The following NADSYN1 variants were observed in gnomAD, a reference collection of about 807,000 sequenced individuals.
NADSYN1 encodes the protein NAD synthetase 1.
A neutral mutation model predicts 99.3 loss-of-function variants in NADSYN1; 80 were observed. The ratio of observed to expected loss-of-function variants is 0.81; its 90% CI spans 0.67 to 0.97. The LOEUF is 0.97. Ranked by LOEUF, NADSYN1 falls within the 50% of genes least tolerant of loss-of-function variation. The pLI is 0.00. For missense variants in NADSYN1, 859 were observed against 948.5 expected (o/e 0.91, Z 1.24); for synonymous variants, 385 against 372.1 (o/e 1.03, Z -0.40).
chr11:71,473,424 G>A, intron 7 of NADSYN1, 58 bp downstream of exon 7: 1 of 1,582,352 alleles, frequency 6.3e-7, no homozygotes, highest in Non-Finnish European at 8.7e-7. Flanking sequence ...CAGCTGGGAG[G>A]ACCTGGGACT....
intron 5 of NADSYN1, among the ~76,000 whole-genome samples, chr11:71,466,968 G>A (rs373586328): frequency 5.2e-4 from 79 of 152,240 alleles, no homozygotes; most frequent in African/African-American, 1.8e-3. Context: ...TCATGGAACT[G>A]GAGGTGGGGG....
chr11:71,476,054 T>C (rs1378808703), intron 9 of NADSYN1: 1 of 456,286 alleles, frequency 2.2e-6, no homozygotes, highest in Admixed American at 2.3e-5. Flanking sequence ...AAATGGGCTA[T>C]TATTGCCACA....
chr11:71,458,645 T>C (rs1028544748), intron 3 of NADSYN1, 101 bp downstream of exon 3: 20 of 840,092 alleles, frequency 2.4e-5, no homozygotes, highest in Non-Finnish European at 4.1e-5. Context: ...GGAACATCCA[T>C]GTGTCCAGGG....
At position 71,453,224 on chromosome 11, in the gene NADSYN1, C is replaced by T; in HGVS notation, c.-73C>T. 2.1e-6 allele frequency: 3 copies of T among 1,398,550 alleles called. No homozygotes were observed. Among genetic ancestry groups the T allele is most frequent in the Non-Finnish European group, 3.0e-6 (3 of 1,004,988 alleles). The allele number at this position is 1,398,550 out of a possible 1,614,324, so 86.6% of individuals were successfully genotyped here. A position where few individuals can be genotyped will look rare whatever the true frequency, so the allele number is the denominator to read the frequency against. ...GGGCAACCCGGAAGGTCCGGCGTCC[C>T]AGCCGCCTACCTCGCTGGGACCCTG... On this transcript the variant is annotated 5_prime_UTR_variant, in exon 1 of 21. Coordinates refer to ENST00000319023, the MANE Select transcript of NADSYN1 (RefSeq NM_018161.5).
In NADSYN1 at chr11:71,480,801, T is replaced by C; in HGVS notation, c.920T>C (p.Leu307Pro). Reference sequence around the variant, plus strand: ...CCCAGAGTGAAGGTGGACTTTGCCCTCTCGTGCCACGAGGACTTGCTGGCA... The same window carrying C: ...CCCAGAGTGAAGGTGGACTTTGCCCCCTCGTGCCACGAGGACTTGCTGGCA... ...PYPRVKVDFA[L>P]SCHEDLLAPI... Residue 307 changes from leucine to proline, a missense_variant, in exon 11 of 21, where the codon CTC becomes CCC. Physicochemically the swap from Leu to Pro is moderately conservative, Grantham distance 98. Coordinates refer to ENST00000319023, the MANE Select transcript of NADSYN1 (RefSeq NM_018161.5). The C allele has an allele frequency of 1.9e-6, 3 of 1,614,156 alleles. No individual in the cohort carries two copies. The highest frequency in any genetic ancestry group is 2.5e-6 in the Non-Finnish European group (3 of 1,180,028).
At chr11:71,473,948 T>C (rs951831807) in intron 8 of NADSYN1, among the ~76,000 whole-genome samples, 2 of 152,224 alleles carry the variant, frequency 1.3e-5, no homozygotes, top group African/African-American at 4.8e-5. Flanking sequence ...TCCTTGTTCG[T>C]TGGCATCATG....
rs182015126 is a variant in NADSYN1 at position 71,472,511 on chromosome 11, G to A, written c.459+11G>A. The stretch of plus-strand genomic sequence containing the variant: ...GACCTGACAAAGCAGGTGAGTCCCT[G>A]GGTGTGGAGCCCGTTTTTCAGTCGG... On this transcript the variant is annotated intron_variant, in intron 6 of 20. Transcript: ENST00000319023. The A allele has an allele frequency of 1.2e-6, 2 of 1,611,888 alleles. No individual in the cohort carries two copies. The highest frequency in any genetic ancestry group is 2.7e-5 in the African/African-American group (2 of 75,012).
At chr11:71,482,162 A>G in intron 13 of NADSYN1, 137 bp downstream of exon 13, 1 of 732,268 alleles carries the variant, frequency 1.4e-6, no homozygotes, top group Non-Finnish European at 2.3e-6. Context: ...GCCACGCACA[A>G]ATGTCACAGC....
At chr11:71,475,062 G>C (rs984941991) in intron 9 of NADSYN1, 1 of 166,966 alleles carries the variant, frequency 6.0e-6, no homozygotes, top group Non-Finnish European at 1.3e-5. Flanking sequence ...TGGCCCCTGC[G>C]GGTGGGTGTC....
intron 9 of NADSYN1, chr11:71,476,127 C>T (rs1051103448): frequency 2.0e-5 from 9 of 456,162 alleles, no homozygotes; most frequent in Middle Eastern, 3.2e-4. Context: ...TGCCCCAAGC[C>T]GGCGTGGGTG....
chr11:71,472,296 G>T (rs1949631977), intron 5 of NADSYN1, among the ~76,000 whole-genome samples, 153 bp from the exon 6 acceptor site: 1 of 152,182 alleles, frequency 6.6e-6, no homozygotes, highest in Non-Finnish European at 1.5e-5. Context: ...TTACCTGAAT[G>T]CGATTGTTTA....
chr11:71,478,096 TACTG>T (rs1317170802), intron 9 of NADSYN1, among the ~76,000 whole-genome samples: 2 of 152,050 alleles, frequency 1.3e-5, no homozygotes, highest in African/African-American at 4.8e-5. Context: ...AGGGGTGTCT[TACTG>T]ACAGGGGTGT....
rs944948279 is a variant in NADSYN1, at chr11:71,473,828, G to A, written c.666+142G>A. The A allele has an allele frequency of 1.5e-5, 11 of 722,026 alleles. No homozygotes were observed. In the African/African-American group the frequency reaches 1.9e-4, roughly 13 times the overall value. 44.7% of individuals were successfully genotyped at this position (722,026 alleles called of 1,614,324 possible). ...TAATTATGGCCTGGACTCAACAAGTGTGCCCTGCTGCCCTCCAGGGCTTCG... is the reference window on the plus strand; with the variant it reads ...TAATTATGGCCTGGACTCAACAAGTATGCCCTGCTGCCCTCCAGGGCTTCG... On this transcript the variant is annotated intron_variant, in intron 8 of 20. Transcript: ENST00000319023.
chr11:71,455,034 A>G, intron 1 of NADSYN1, 76 bp from the exon 2 acceptor site: 1 of 1,079,954 alleles, frequency 9.3e-7, no homozygotes, highest in Middle Eastern at 2.1e-4. Context: ...TACCTACTGC[A>G]GCAGGTTGTT....
chr11:71,484,702 C>G, intron 15 of NADSYN1: 1 of 497,288 alleles, frequency 2.0e-6, no homozygotes, highest in Non-Finnish European at 3.6e-6. Context: ...AGAGCAAGAG[C>G]GGGGGTGTAA....
chr11:71,485,749 G>A (rs1164085357), intron 16 of NADSYN1, 101 bp downstream of exon 16: 17 of 879,958 alleles, frequency 1.9e-5, no homozygotes, highest in Admixed American at 6.3e-5. Context: ...CTTTCATGGC[G>A]GGTTTGGTGC....
rs557808745 is a variant in NADSYN1, at chr11:71,499,302, C to G, written c.2070+774C>G. 3.9e-5 allele frequency: 6 copies of G among 152,290 alleles called. No individual in the cohort carries two copies. The East Asian group carries it at 1.2e-3, about 29-fold the overall frequency. 9.4% of individuals were successfully genotyped at this position (152,290 alleles called of 1,614,324 possible). A position where few individuals can be genotyped will look rare whatever the true frequency, so the allele number is the denominator to read the frequency against. On this transcript the variant is annotated intron_variant, in intron 20 of 20. Transcript: ENST00000319023. ...GAGTTCATTTCCTGTCAGTTATACC[C>G]GGTAATGGGGTGGCTGGATCGCAGG...
intron 18 of NADSYN1, among the ~76,000 whole-genome samples, chr11:71,495,007 T>C (rs556760009): frequency 6.6e-6 from 1 of 152,322 alleles, no homozygotes; most frequent in South Asian, 2.1e-4. Context: ...TTGTTGATTT[T>C]CTCTATTGTC....
chr11:71,463,045 T>G (rs1231203494), intron 3 of NADSYN1, among the ~76,000 whole-genome samples: 1 of 151,338 alleles, frequency 6.6e-6, no homozygotes, highest in Non-Finnish European at 1.5e-5. Flanking sequence ...AGGTGGTGGG[T>G]GGAAATGAGC....
Sources: allele counts gnomAD v4.1 joint callset (sites outside exome capture counted in the v4.1 genomes callset), GRCh38; gene constraint gnomAD v4.1.1; transcripts MANE v1.5; gene names NCBI Gene and HGNC (gene_info 2026-07-23, HGNC 2026-07-21).